The following WWC1 variants were observed in gnomAD, a reference collection of about 807,000 sequenced individuals.
WWC1 encodes the protein protein KIBRA.
WWC1 carries 55 observed loss-of-function variants against 138.4 expected under a neutral mutation model. The ratio of observed to expected loss-of-function variants is 0.40; its 90% CI spans 0.32 to 0.50. WWC1 has a LOEUF of 0.50. Ranked by LOEUF, WWC1 falls within the 20% of genes least tolerant of loss-of-function variation. The probability of loss-of-function intolerance (pLI) is 0.72; values close to 1 mark genes in which losing one functional copy is unlikely to be tolerated. For synonymous variants in WWC1, 524 were observed against 564.9 expected (o/e 0.93, Z 1.03); for missense variants, 1,226 against 1,420.4 (o/e 0.86, Z 2.20).
chr5:168,331,061 C>T (rs186733718), intron 1 of WWC1, among the ~76,000 whole-genome samples: 25 of 152,270 alleles, frequency 1.6e-4, no homozygotes, highest in African/African-American at 6.0e-4. Context: ...GCCACTTCCT[C>T]ACTTCAGCCT....
intron 5 of WWC1, among the ~76,000 whole-genome samples, chr5:168,400,438 G>A (rs923193292): frequency 6.6e-6 from 1 of 152,118 alleles, no homozygotes; most frequent in East Asian, 1.9e-4. Flanking sequence ...CAGTAGCTTC[G>A]TTGTTTCTTA....
At chr5:168,462,301 G>C (rs1182008392) in intron 20 of WWC1, among the ~76,000 whole-genome samples, 4 of 152,130 alleles carry the variant, frequency 2.6e-5, no homozygotes, top group Non-Finnish European at 5.9e-5. Flanking sequence ...TGCGGGTGTG[G>C]GAGAAAGTGG....
chr5:168,411,051 G>A lies in WWC1; in HGVS notation c.941+1056G>A, dbSNP rs373846401. On this transcript the variant is annotated intron_variant, in intron 8 of 22. Coordinates refer to ENST00000265293, the MANE Select transcript of WWC1 (RefSeq NM_015238.3). Reference sequence around the variant, plus strand: ...CGCCATTCTCCTGCCTCAGCCTCCCGAGTAGCTGGGACTACAGGCACCCGT... The same window carrying A: ...CGCCATTCTCCTGCCTCAGCCTCCCAAGTAGCTGGGACTACAGGCACCCGT... Among the ~76,000 whole-genome samples the A allele has an allele frequency of 2.5e-3, 364 of 146,934 alleles. 2 individuals carry two copies. Among genetic ancestry groups the A allele is most frequent in the African/African-American group, 8.6e-3 (342 of 39,620 alleles).
At chr5:168,315,175 CTTTT>C (rs35333193) in intron 1 of WWC1, among the ~76,000 whole-genome samples, 7 of 147,036 alleles carry the variant, frequency 4.8e-5, no homozygotes, top group Non-Finnish European at 9.0e-5. Context: ...CCACAAATAA[CTTTT>C]TTTTTTTTTT....
intron 20 of WWC1, among the ~76,000 whole-genome samples, chr5:168,464,402 G>A (rs1049715769): frequency 2.6e-5 from 4 of 152,158 alleles, no homozygotes; most frequent in African/African-American, 7.2e-5. Flanking sequence ...CTGGAGTGGA[G>A]CTTCAGCTTT....
intron 21 of WWC1, 64 bp downstream of exon 21, chr5:168,465,026 C>T (rs1757139839): frequency 5.7e-6 from 9 of 1,567,766 alleles, no homozygotes; most frequent in African/African-American, 4.1e-5. Context: ...GGGGCACTGC[C>T]CCGGGGAAGA....
chr5:168,326,600 G>A (rs1455945918), intron 1 of WWC1, among the ~76,000 whole-genome samples: 1 of 151,816 alleles, frequency 6.6e-6, no homozygotes, highest in African/African-American at 2.4e-5. Flanking sequence ...GTACAGTGAT[G>A]CGATCTCAGC....
At chr5:168,395,760 A>C (rs145664727) in intron 3 of WWC1, among the ~76,000 whole-genome samples, 41 of 152,260 alleles carry the variant, frequency 2.7e-4, no homozygotes, top group African/African-American at 8.9e-4. Flanking sequence ...TCTTCTGGTA[A>C]ACCTCGGTCT....
chr5:168,329,082 T>C (rs1772815342), intron 1 of WWC1, among the ~76,000 whole-genome samples: 1 of 152,184 alleles, frequency 6.6e-6, no homozygotes, highest in Non-Finnish European at 1.5e-5. Flanking sequence ...GCCCCATGGC[T>C]CCCCCTCTGT....
chr5:168,320,545 T>C (rs1771980799), intron 1 of WWC1, among the ~76,000 whole-genome samples: 2 of 152,152 alleles, frequency 1.3e-5, no homozygotes, highest in Admixed American at 6.5e-5. Context: ...CCTAATCTCA[T>C]CAGGTTACCA....
At chr5:168,331,991 C>A (rs1313655097) in intron 1 of WWC1, among the ~76,000 whole-genome samples, 4 of 151,878 alleles carry the variant, frequency 2.6e-5, no homozygotes, top group Non-Finnish European at 5.9e-5. Flanking sequence ...ACTAAACATA[C>A]AAAAATTAGC....
intron 11 of WWC1, among the ~76,000 whole-genome samples, chr5:168,425,813 C>T (rs1781461413): frequency 6.6e-6 from 1 of 152,094 alleles, no homozygotes; most frequent in Admixed American, 6.5e-5. Context: ...TTATCCCCAT[C>T]TTAAAGATGA....
intron 1 of WWC1, among the ~76,000 whole-genome samples, chr5:168,330,040 G>A (rs1772897239): frequency 6.6e-6 from 1 of 152,196 alleles, no homozygotes; most frequent in African/African-American, 2.4e-5. Context: ...AACCCGGGAG[G>A]TGGAGGCTGC....
intron 1 of WWC1, among the ~76,000 whole-genome samples, chr5:168,349,050 G>A (rs946275533): frequency 2.6e-5 from 4 of 152,054 alleles, no homozygotes; most frequent in Admixed American, 6.5e-5. Context: ...AGGTTAATAC[G>A]CCCGAGATTC....
chr5:168,422,606 C>T (rs960321293), intron 10 of WWC1, among the ~76,000 whole-genome samples: 1 of 151,702 alleles, frequency 6.6e-6, no homozygotes, highest in Non-Finnish European at 1.5e-5. Context: ...TAGAGCCAGA[C>T]CTTGTCTCCA....
intron 3 of WWC1, among the ~76,000 whole-genome samples, chr5:168,394,096 A>G (rs1437071340): frequency 6.6e-6 from 1 of 152,160 alleles, no homozygotes; most frequent in African/African-American, 2.4e-5. Flanking sequence ...GTTCAAGTGC[A>G]TGCTGTAGGG....
At chr5:168,406,380 C>T in intron 6 of WWC1, 53 bp downstream of exon 6, 7 of 1,606,098 alleles carry the variant, frequency 4.4e-6, no homozygotes, top group Non-Finnish European at 6.0e-6. Flanking sequence ...CTGAGTATTC[C>T]TGTATGCCAG....
At chr5:168,408,127 C>T (rs759860404) in intron 6 of WWC1, among the ~76,000 whole-genome samples, 3 of 151,020 alleles carry the variant, frequency 2.0e-5, no homozygotes, top group Non-Finnish European at 4.4e-5. Flanking sequence ...CTCGGCCTCT[C>T]AAAGCACTGG....
intron 1 of WWC1, among the ~76,000 whole-genome samples, chr5:168,337,686 A>T (rs13155896): frequency 1.3e-5 from 2 of 152,000 alleles, no homozygotes; most frequent in Non-Finnish European, 2.9e-5. Context: ...GGTAAGGGAG[A>T]CAGAAATTCA....
Sources: gnomAD v4.1 joint callset for allele counts (sites outside exome capture counted in the v4.1 genomes callset) on GRCh38, gnomAD v4.1.1 for gene constraint, MANE v1.5 for transcripts, NCBI Gene and HGNC (gene_info 2026-07-23, HGNC 2026-07-21) for gene names.